Variants in PITRM1 observed in about 807,000 individuals in gnomAD.
PITRM1 encodes pitrilysin metallopeptidase 1, also known as presequence protease, mitochondrial.
A neutral mutation model predicts 129.9 loss-of-function variants in PITRM1; 100 were observed. That is an observed-to-expected ratio of 0.77 (90% confidence interval 0.65 to 0.91). The LOEUF (loss-of-function observed/expected upper bound fraction) is 0.91. Ranked by LOEUF, PITRM1 falls within the 40% of genes least tolerant of loss-of-function variation. The pLI is 0.00. For missense variants in PITRM1, 1,471 were observed against 1,318.3 expected (o/e 1.12, Z -1.79); for synonymous variants, 591 against 508.8 (o/e 1.16, Z -2.17).
In PITRM1 at chr10:3,140,514, C is replaced by T. The variant is rs780301632; in HGVS notation, c.2771+173G>A. Among the ~76,000 whole-genome samples the T allele has an allele frequency of 4.6e-5, 7 of 152,284 alleles. No homozygotes were observed. In the South Asian group the frequency reaches 8.3e-4, roughly 18 times the overall value. On this transcript the variant is annotated intron_variant, in intron 24 of 26. Coordinates refer to ENST00000224949, the MANE Select transcript of PITRM1 (RefSeq NM_014889.4). Reference sequence around the variant, plus strand: ...TGTTTCGGCTGCTGGCCCTAATCCTCGCGCCAGAAAGGACATTGCTGGGTG... The same window carrying T: ...TGTTTCGGCTGCTGGCCCTAATCCTTGCGCCAGAAAGGACATTGCTGGGTG...
chr10:3,170,092 G>C lies in PITRM1; in HGVS notation c.159+12C>G. 1 of 1,593,302 alleles carries C rather than the reference G, an allele frequency of 6.3e-7. No homozygotes were observed. Among genetic ancestry groups the C allele is most frequent in the Non-Finnish European group, 8.6e-7 (1 of 1,161,136 alleles). Reference sequence around the variant, plus strand: ...TGTGGATTTATAAGGAGGTGCCGAGGACGACCCATACCTGGTTTACGGTGA... The same window carrying C: ...TGTGGATTTATAAGGAGGTGCCGAGCACGACCCATACCTGGTTTACGGTGA... On this transcript the variant is annotated intron_variant, in intron 2 of 26. Transcript: ENST00000224949.
At chr10:3,144,217 C>A in intron 22 of PITRM1, 75 bp downstream of exon 22, 1 of 821,272 alleles carries the variant, frequency 1.2e-6, no homozygotes, top group South Asian at 1.6e-5. Flanking sequence ...GAGGAACATT[C>A]GAACATCAGT....
chr10:3,164,963 A>G (rs1033312465), intron 6 of PITRM1, among the ~76,000 whole-genome samples: 31 of 152,280 alleles, frequency 2.0e-4, no homozygotes, highest in African/African-American at 7.2e-4. Flanking sequence ...ATGAAAAGAC[A>G]CTGTCTTGGT....
At chr10:3,162,464 T>A (rs1233263976) in intron 7 of PITRM1, among the ~76,000 whole-genome samples, 1 of 152,210 alleles carries the variant, frequency 6.6e-6, no homozygotes, top group Non-Finnish European at 1.5e-5. Context: ...GAACTCATTA[T>A]CACAGGACAC....
chr10:3,137,792 G>A lies in PITRM1; in HGVS notation c.*239C>T, dbSNP rs961197746. On this transcript the variant is annotated 3_prime_UTR_variant, in exon 27 of 27. Transcript: ENST00000224949. ...TTCTAGAATGAGGTAAAACGAGCCT[G>A]CCAGTACAAAGTGAAAATTCTACAT... 9.4e-6 allele frequency: 5 copies of A among 530,932 alleles called. No homozygotes were observed. Among genetic ancestry groups the A allele is most frequent in the East Asian group, 6.8e-5 (2 of 29,232 alleles). The allele number at this position is 530,932 out of a possible 1,614,324, so 32.9% of individuals were successfully genotyped here.
chr10:3,164,109 G>C (rs1156434413), intron 6 of PITRM1: 1 of 272,260 alleles, frequency 3.7e-6, no homozygotes, highest in Non-Finnish European at 6.9e-6. Context: ...CAAGGATTGA[G>C]AAGAACAATG....
In PITRM1 at chr10:3,166,212, C is replaced by CTTACCTGTG; in HGVS notation, c.418+16_418+17insCACAGGTAA. ...GGCAAACCCAAAAGCAGTTTCTGTT[C>CTTACCTGTG]AGGATGCTGGTCTTACCTGTGAAGG... On this transcript the variant is annotated intron_variant, in intron 4 of 26. Coordinates refer to ENST00000224949, the MANE Select transcript of PITRM1 (RefSeq NM_014889.4). 1 of 1,586,792 alleles carries CTTACCTGTG rather than the reference C, an allele frequency of 6.3e-7. No homozygotes were observed. Among genetic ancestry groups the CTTACCTGTG allele is most frequent in the Non-Finnish European group, 8.6e-7 (1 of 1,167,088 alleles).
At chr10:3,158,835 G>T in intron 10 of PITRM1, 79 bp downstream of exon 10, 1 of 1,309,838 alleles carries the variant, frequency 7.6e-7, no homozygotes, top group Non-Finnish European at 1.1e-6. Flanking sequence ...GTGTGGGGCC[G>T]GGACAGGGTG....
chr10:3,158,776 C>T (rs1380082544), intron 10 of PITRM1, 138 bp downstream of exon 10: 2 of 785,128 alleles, frequency 2.5e-6, no homozygotes, highest in Non-Finnish European at 4.1e-6. Flanking sequence ...GGTCCGCCAT[C>T]TTCCGATTAT....
intron 3 of PITRM1, among the ~76,000 whole-genome samples, 191 bp from the exon 4 acceptor site, chr10:3,166,571 T>C (rs1004422435): frequency 6.6e-6 from 1 of 152,222 alleles, no homozygotes; most frequent in Admixed American, 6.5e-5. Flanking sequence ...AGATTATAAG[T>C]CAGTGTAAAC....
chr10:3,149,751 C>A lies in PITRM1; in HGVS notation c.1741G>T (p.Gly581Ter). 1 of 1,613,620 alleles carries A rather than the reference C, an allele frequency of 6.2e-7. No individual in the cohort carries two copies. The highest frequency in any genetic ancestry group is 8.5e-7 in the Non-Finnish European group (1 of 1,179,790). The part of the protein sequence containing the change: ...VTELDVVLTA[G>*]DIPVQYCAQP... ...GCGCAGTACTGAACAGGGATATCTC[C>A]AGCTAGAAAAACAAAAGGGATTTAA... The change falls in exon 16 of 27, where the codon GGA (glycine) becomes TGA (stop). Residue 581 changes from glycine (G) to a stop codon, truncating the protein, a stop_gained and splice_region_variant. Coordinates refer to ENST00000224949, the MANE Select transcript of PITRM1 (RefSeq NM_014889.4). LOFTEE classifies it high-confidence loss of function.
In PITRM1 at chr10:3,143,485, G is replaced by T. The variant is rs761856858; in HGVS notation, c.2549C>A (p.Pro850His). ...RKLVMEPTFK[P>H]WQMKTHFLMP... ...CAGGAAGTGAGTCTTCATCTGCCAG[G>T]GCTTGAAGGTGGGTTCCTGAGGGAC... Residue 850 changes from proline to histidine, a missense_variant, in exon 23 of 27, where the codon CCC becomes CAC. Pro to His is a moderately conservative substitution (Grantham distance 77). Coordinates refer to ENST00000224949, the MANE Select transcript of PITRM1 (RefSeq NM_014889.4). The T allele has an allele frequency of 3.1e-6, 5 of 1,612,760 alleles. No homozygotes were observed. The South Asian group carries it at 5.5e-5, about 18-fold the overall frequency.
At chr10:3,147,772 C>T in intron 18 of PITRM1, 35 bp from the exon 19 acceptor site, 1 of 1,538,548 alleles carries the variant, frequency 6.5e-7, no homozygotes. Context: ...TTCCTGGAGA[C>T]CCATTCCTCA....
At chr10:3,138,372 G>T in intron 25 of PITRM1, 35 bp from the exon 26 acceptor site, 1 of 1,460,706 alleles carries the variant, frequency 6.8e-7, no homozygotes, top group Non-Finnish European at 9.6e-7. Flanking sequence ...TGGAGCCGCT[G>T]CCCGGGAGCT....
intron 10 of PITRM1, 26 bp downstream of exon 10, chr10:3,158,888 C>G (rs1842196832): frequency 6.2e-7 from 1 of 1,608,890 alleles, no homozygotes; most frequent in African/African-American, 1.3e-5. Flanking sequence ...ATGAGAACTA[C>G]TGATCTAATC....
chr10:3,141,529 TA>T (rs760864569), intron 23 of PITRM1: 23 of 282,900 alleles, frequency 8.1e-5, no homozygotes, highest in Middle Eastern at 4.4e-4. Flanking sequence ...CACTCTCTGA[TA>T]AAGCACATTT....
At chr10:3,159,742 C>T (rs1035918222) in intron 9 of PITRM1, 106 bp downstream of exon 9, 8 of 660,034 alleles carry the variant, frequency 1.2e-5, no homozygotes, top group Non-Finnish European at 1.9e-5. Flanking sequence ...TGAATCCTAA[C>T]CGTATATTAA....
intron 4 of PITRM1, 39 bp downstream of exon 4, chr10:3,166,189 CA>C (rs1842845303): frequency 4.0e-6 from 6 of 1,509,570 alleles, no homozygotes; most frequent in Non-Finnish European, 4.4e-6. Flanking sequence ...GTGTGCCTGG[CA>C]AACCCAAAAG....
intron 7 of PITRM1, among the ~76,000 whole-genome samples, chr10:3,162,040 C>T (rs1449834420): frequency 1.3e-5 from 2 of 151,530 alleles, no homozygotes; most frequent in East Asian, 1.9e-4. Flanking sequence ...GGCATGGTGG[C>T]GTGCGCCTGT....
Sources: gnomAD v4.1 joint callset for allele counts (sites outside exome capture counted in the v4.1 genomes callset) on GRCh38, gnomAD v4.1.1 for gene constraint, MANE v1.5 for transcripts, NCBI Gene and HGNC (gene_info 2026-07-23, HGNC 2026-07-21) for gene names.